The following NRP1 variants were observed in gnomAD, a reference collection of about 807,000 sequenced individuals.
NRP1 encodes neuropilin 1.
In NRP1, 35 loss-of-function variants were observed where a neutral mutation model predicts 106.7. The observed-to-expected ratio is 0.33, with a 90% CI of 0.25 to 0.43. The LOEUF (loss-of-function observed/expected upper bound fraction) is 0.43. Ranked by LOEUF, NRP1 falls within the 20% of genes least tolerant of loss-of-function variation. The probability of loss-of-function intolerance (pLI) is 1.00; values close to 1 mark genes in which losing one functional copy is unlikely to be tolerated. For missense variants in NRP1, 1,024 were observed against 1,170.4 expected, an observed-to-expected ratio of 0.87 and a Z score of 1.83; for synonymous variants, 437 against 417.9, an observed-to-expected ratio of 1.05 and a Z score of -0.56.
chr10:33,298,531 C>T (rs1036732947), intron 2 of NRP1, among the ~76,000 whole-genome samples: 3 of 152,116 alleles, frequency 2.0e-5, no homozygotes, highest in African/African-American at 7.2e-5. Context: ...CAGTAGCATC[C>T]GTTATGAAGA....
chr10:33,196,326 AT>A, intron 12 of NRP1, among the ~76,000 whole-genome samples: 1 of 152,280 alleles, frequency 6.6e-6, no homozygotes, highest in African/African-American at 2.4e-5. Flanking sequence ...TCAGAACTTC[AT>A]TTGTTCACCT....
At position 33,327,945 on chromosome 10, in the gene NRP1, C is replaced by A. The variant is rs138011373; in HGVS notation, c.248+2763G>T. ...GGAAGATATTTTCCATGGATCTAAT[C>A]TCCATTGACTTCATCAGGCTAAATA... On this transcript the variant is annotated intron_variant, in intron 2 of 16. Coordinates refer to ENST00000374867, the MANE Select transcript of NRP1 (RefSeq NM_003873.7). Among the ~76,000 whole-genome samples, 1,462 of 152,224 alleles carry A rather than the reference C, an allele frequency of 9.6e-3. 16 individuals carry two copies. Among genetic ancestry groups the A allele is most frequent in the African/African-American group, 0.033 (1,378 of 41,530 alleles).
chr10:33,295,604 G>A (rs1157587604), intron 2 of NRP1, among the ~76,000 whole-genome samples: 1 of 152,136 alleles, frequency 6.6e-6, no homozygotes, highest in Non-Finnish European at 1.5e-5. Context: ...AGCTACTTGG[G>A]AGGCTGAGGT....
At chr10:33,206,193 ATTCGCATC>A (rs765816242) in intron 10 of NRP1, 3 of 518,570 alleles carry the variant, frequency 5.8e-6, no homozygotes, top group Non-Finnish European at 1.2e-5. Context: ...CAGGCTACAG[ATTCGCATC>A]CAGGGAGCAG....
intron 2 of NRP1, among the ~76,000 whole-genome samples, chr10:33,295,633 C>T (rs1412721049): frequency 6.6e-6 from 1 of 152,010 alleles, no homozygotes; most frequent in Non-Finnish European, 1.5e-5. Flanking sequence ...CACTTGAGCC[C>T]AGGAGGTTGA....
chr10:33,253,203 G>A (rs898620407), intron 6 of NRP1, among the ~76,000 whole-genome samples: 1 of 152,164 alleles, frequency 6.6e-6, no homozygotes, highest in African/African-American at 2.4e-5. Flanking sequence ...ACTCAGGACT[G>A]TCAGCATCAG....
intron 2 of NRP1, among the ~76,000 whole-genome samples, chr10:33,301,168 C>T (rs752230371): frequency 6.6e-6 from 1 of 152,122 alleles, no homozygotes; most frequent in Non-Finnish European, 1.5e-5. Context: ...TGGGTTATGC[C>T]TGCAGTCCAG....
intron 2 of NRP1, among the ~76,000 whole-genome samples, chr10:33,319,841 C>T (rs181804024): frequency 5.3e-5 from 8 of 151,610 alleles, no homozygotes; most frequent in Admixed American, 5.2e-4. Flanking sequence ...CTGCCTCCGC[C>T]TCCCAAAGTG....
intron 1 of NRP1, among the ~76,000 whole-genome samples, chr10:33,332,353 C>T (rs1472044603): frequency 6.6e-6 from 1 of 152,180 alleles, no homozygotes; most frequent in African/African-American, 2.4e-5. Context: ...TCTGCTGAGA[C>T]TCTTGCATTA....
intron 15 of NRP1, 55 bp downstream of exon 15, chr10:33,185,573 A>C: frequency 7.5e-7 from 1 of 1,333,654 alleles, no homozygotes; most frequent in East Asian, 2.3e-5. Context: ...TCATATTGGC[A>C]AGAGTCTTGC....
At position 33,196,792 on chromosome 10, in the gene NRP1, T is replaced by A. The variant is rs1271274067; in HGVS notation, c.1924+858A>T. 2.0e-5 allele frequency among the ~76,000 whole-genome samples: 3 copies of A among 152,118 alleles called. No individual in the cohort carries two copies. The East Asian group carries it at 5.8e-4, about 29-fold the overall frequency. On this transcript the variant is annotated intron_variant, in intron 12 of 16. Transcript: ENST00000374867. Reference sequence around the variant, plus strand: ...CTACTTTCTGCCTAGCTGGGTAGTGTCATACCATAGAGGAAACATTGATAT... The same window carrying A: ...CTACTTTCTGCCTAGCTGGGTAGTGACATACCATAGAGGAAACATTGATAT...
chr10:33,312,269 T>C (rs1000700848), intron 2 of NRP1, among the ~76,000 whole-genome samples: 1 of 152,256 alleles, frequency 6.6e-6, no homozygotes, highest in African/African-American at 2.4e-5. Flanking sequence ...CAGAATTTTC[T>C]AGTCAGATGT....
At chr10:33,301,161 G>C (rs1454327148) in intron 2 of NRP1, among the ~76,000 whole-genome samples, 2 of 152,156 alleles carry the variant, frequency 1.3e-5, no homozygotes, top group Non-Finnish European at 1.5e-5. Context: ...CCTCATTTGG[G>C]TTATGCCTGC....
chr10:33,301,948 G>C (rs1845830057), intron 2 of NRP1, among the ~76,000 whole-genome samples: 1 of 152,096 alleles, frequency 6.6e-6, no homozygotes, highest in Non-Finnish European at 1.5e-5. Flanking sequence ...ATTCTGCAAA[G>C]GATAACAAGG....
chr10:33,268,432 G>A (rs1308155065), intron 3 of NRP1, among the ~76,000 whole-genome samples: 7 of 152,290 alleles, frequency 4.6e-5, no homozygotes, highest in East Asian at 1.9e-4. Flanking sequence ...AGTGGATGCC[G>A]TATTGGATGT....
intron 6 of NRP1, 74 bp downstream of exon 6, chr10:33,253,954 C>G (rs1399763589): frequency 1.4e-6 from 2 of 1,434,660 alleles, no homozygotes; most frequent in Non-Finnish European, 1.9e-6. Flanking sequence ...CACAGTACCA[C>G]TTTCTTTCAA....
chr10:33,249,549 C>A (rs770346250), intron 6 of NRP1: 12 of 517,304 alleles, frequency 2.3e-5, no homozygotes, highest in South Asian at 1.8e-4. Context: ...TATTTTGCAT[C>A]CTAGAATGAT....
chr10:33,193,081 T>C (rs1588694503), intron 12 of NRP1, among the ~76,000 whole-genome samples: 1 of 152,212 alleles, frequency 6.6e-6, no homozygotes, highest in Non-Finnish European at 1.5e-5. Context: ...AAAACCTCAA[T>C]GTAAGGTCAT....
chr10:33,238,337 C>T (rs1269961490), intron 6 of NRP1, among the ~76,000 whole-genome samples: 2 of 152,184 alleles, frequency 1.3e-5, no homozygotes, highest in Non-Finnish European at 2.9e-5. Flanking sequence ...ACTGTTCTCG[C>T]CTCAAACATT....
Sources: allele counts gnomAD v4.1 joint callset (sites outside exome capture counted in the v4.1 genomes callset), GRCh38; gene constraint gnomAD v4.1.1; transcripts MANE v1.5; gene names NCBI Gene and HGNC (gene_info 2026-07-23, HGNC 2026-07-21).